PRAG1: variants seen among roughly 807,000 people sequenced by gnomAD.
The protein encoded by PRAG1 is inactive tyrosine-protein kinase PRAG1.
PRAG1 carries 110 observed loss-of-function variants against 95.6 expected under a neutral mutation model. That is an observed-to-expected ratio of 1.15 (90% CI 0.99 to 1.35). The LOEUF is 1.35. Ranked by LOEUF, PRAG1 falls within the 40% of genes most tolerant of loss-of-function variation. The probability of loss-of-function intolerance (pLI) is 0.00; values close to 1 mark genes in which losing one functional copy is unlikely to be tolerated. For missense variants in PRAG1, 2,554 were observed against 1,864.7 expected (o/e 1.37, Z -6.81); for synonymous variants, 1,052 against 819.4 (o/e 1.28, Z -4.85).
Position 8,376,369 on chromosome 8 carries a change from G to A in PRAG1, c.2040C>T (p.Ser680=), listed in dbSNP as rs772394887. ...TWHRLHPTDG[S]SGQNSKVGTG... The stretch of plus-strand genomic sequence containing the variant: ...TCCCAACTTTGCTGTTCTGCCCAGA[G>A]GAGCCATCTGTGGGGTGGAGACGGT... The change falls in exon 3 of 6, where the codon TCC becomes TCT. Residue 680 remains serine, a synonymous_variant. Coordinates refer to ENST00000615670, the MANE Select transcript of PRAG1 (RefSeq NM_001080826.3). The A allele has an allele frequency of 3.1e-6, 5 of 1,614,224 alleles. No individual in the cohort carries two copies. Among genetic ancestry groups the A allele is most frequent in the African/African-American group, 1.3e-5 (1 of 75,062 alleles).
intron 3 of PRAG1, among the ~76,000 whole-genome samples, chr8:8,348,557 T>C (rs1297046055): frequency 1.3e-5 from 2 of 152,128 alleles, no homozygotes; most frequent in African/African-American, 4.8e-5. Flanking sequence ...AGCAGGCTCG[T>C]CTTTGTCCTC....
At chr8:8,340,827 T>C (rs1436372039) in intron 3 of PRAG1, among the ~76,000 whole-genome samples, 2 of 152,056 alleles carry the variant, frequency 1.3e-5, no homozygotes, top group Non-Finnish European at 2.9e-5. Context: ...TTTTAAACTG[T>C]GTTAAATCTG....
chr8:8,380,055 G>C (rs914459561), intron 2 of PRAG1, among the ~76,000 whole-genome samples: 4 of 151,394 alleles, frequency 2.6e-5, no homozygotes, highest in African/African-American at 9.7e-5. Context: ...AGGAACTTAA[G>C]ACCAGCCTGG....
In PRAG1 at chr8:8,352,378, A is replaced by G. The variant is rs570111812; in HGVS notation, c.2163-12743T>C. Among the ~76,000 whole-genome samples, 8 of 152,314 alleles carry G rather than the reference A, an allele frequency of 5.3e-5. No individual in the cohort carries two copies. The South Asian group carries it at 1.7e-3, about 32-fold the overall frequency. ...CATTTTCCATCCTCATTCCTGTACCAGGCAGCCCAGTGCTTCTCCAGGAAA... is the reference window on the plus strand; with the variant it reads ...CATTTTCCATCCTCATTCCTGTACCGGGCAGCCCAGTGCTTCTCCAGGAAA... On this transcript the variant is annotated intron_variant, in intron 3 of 5. Transcript: ENST00000615670.
intron 3 of PRAG1, among the ~76,000 whole-genome samples, chr8:8,347,169 G>A (rs1326629629): frequency 2.0e-5 from 3 of 152,170 alleles, no homozygotes; most frequent in African/African-American, 4.8e-5. Context: ...TCTAGACTCA[G>A]GCCCGTAGTG....
intron 3 of PRAG1, among the ~76,000 whole-genome samples, chr8:8,372,278 C>A (rs1334814506): frequency 6.6e-6 from 1 of 152,226 alleles, no homozygotes; most frequent in Non-Finnish European, 1.5e-5. Context: ...CCTTGGCCTC[C>A]CTAAGTGCTG....
At chr8:8,322,159 T>TTA (rs1233368878) in intron 5 of PRAG1, among the ~76,000 whole-genome samples, 1 of 152,138 alleles carries the variant, frequency 6.6e-6, no homozygotes, top group Non-Finnish European at 1.5e-5. Flanking sequence ...CCATTTTATT[T>TTA]TATATATATA....
rs769185893 is a variant in PRAG1 at position 8,377,503 on chromosome 8, C to T, written c.906G>A (p.Lys302=). The change falls in exon 3 of 6, where the codon AAG becomes AAA. Residue 302 remains lysine (K), a synonymous_variant. Transcript: ENST00000615670. ...GKCSGPAEQE[K]RGPSFPKECC... is the part of the protein sequence containing the mutation. The stretch of plus-strand genomic sequence containing the variant: ...ACTCCTTGGGGAAGCTCGGGCCCCG[C>T]TTCTCCTGCTCTGCGGGCCCGGAAC... 6.4e-7 allele frequency: 1 copy of T among 1,558,530 alleles called. No individual in the cohort carries two copies. Among genetic ancestry groups the T allele is most frequent in the Non-Finnish European group, 8.7e-7 (1 of 1,152,368 alleles).
At chr8:8,379,718 A>G (rs1800568397) in intron 2 of PRAG1, among the ~76,000 whole-genome samples, 7 of 152,240 alleles carry the variant, frequency 4.6e-5, no homozygotes. Flanking sequence ...GATATGTCTT[A>G]GCCACATAGC....
chr8:8,361,428 C>T (rs563616518), intron 3 of PRAG1, among the ~76,000 whole-genome samples: 29 of 152,222 alleles, frequency 1.9e-4, no homozygotes, highest in African/African-American at 6.5e-4. Flanking sequence ...TACAGGGCAG[C>T]AGCAGCTGCC....
chr8:8,375,616 G>A (rs4840951), intron 3 of PRAG1, among the ~76,000 whole-genome samples: 48,498 of 151,660 alleles, frequency 0.32, 8,299 homozygotes, highest in East Asian at 0.64. Flanking sequence ...TATTGAGCAC[G>A]CATTTATTTG....
Position 8,380,652 on chromosome 8 carries a change from G to A in PRAG1, c.330+766C>T, listed in dbSNP as rs1041740062. 3.3e-5 allele frequency among the ~76,000 whole-genome samples: 5 copies of A among 151,870 alleles called. 1 individual carries two copies. The highest frequency in any genetic ancestry group is 1.3e-4 in the Admixed American group (2 of 15,238). ...GGGCAGATCACAAGGTCAAGAGATC[G>A]AGACCATCCTGGCCAACGTGGTGAA... is the stretch of plus-strand genomic sequence containing the variant. On this transcript the variant is annotated intron_variant, in intron 2 of 5. Coordinates refer to ENST00000615670, the MANE Select transcript of PRAG1 (RefSeq NM_001080826.3).
At chr8:8,365,769 C>A (rs1438354534) in intron 3 of PRAG1, among the ~76,000 whole-genome samples, 1 of 151,120 alleles carries the variant, frequency 6.6e-6, no homozygotes, top group Non-Finnish European at 1.5e-5. Flanking sequence ...TTGGGACCAG[C>A]CTGGCCAATG....
chr8:8,318,924 G>C lies in PRAG1; in HGVS notation c.3451C>G (p.Leu1151Val). The C allele has an allele frequency of 6.2e-7, 1 of 1,610,446 alleles. No individual in the cohort carries two copies. Among genetic ancestry groups the C allele is most frequent in the Non-Finnish European group, 8.5e-7 (1 of 1,178,766 alleles). ...TGGAGGGTGCAGTGCACCAGCAGCA[G>C]GTTCTCCAGGCACAGGTCCCGGTGG... ...IIHRDLCLEN[L>V]LLVHCTLQAG... The change falls in exon 6 of 6, where the codon CTG becomes GTG. Residue 1151 changes from leucine to valine, a missense_variant. Transcript: ENST00000615670. The surrounding 1 kb of genome is among the most constrained non-coding windows in gnomAD (Gnocchi z 4.2).
intron 3 of PRAG1, among the ~76,000 whole-genome samples, chr8:8,346,772 T>C (rs920942846): frequency 1.3e-5 from 2 of 152,204 alleles, no homozygotes; most frequent in African/African-American, 2.4e-5. Flanking sequence ...GACAGCAATA[T>C]TCAAAGTGTG....
chr8:8,364,095 T>C (rs993461115), intron 3 of PRAG1, among the ~76,000 whole-genome samples: 4 of 152,224 alleles, frequency 2.6e-5, no homozygotes, highest in Admixed American at 6.5e-5. Context: ...GAATATATAC[T>C]CAGGAATGAA....
chr8:8,327,505 G>A (rs911249227), intron 5 of PRAG1, among the ~76,000 whole-genome samples: 12 of 152,206 alleles, frequency 7.9e-5, no homozygotes, highest in African/African-American at 2.9e-4. Context: ...GGGAGGCGGA[G>A]GCTGTAGTGA....
chr8:8,376,152 G>C (rs1457707176), intron 3 of PRAG1, 95 bp downstream of exon 3: 2 of 1,495,836 alleles, frequency 1.3e-6, no homozygotes, highest in Admixed American at 4.4e-5. Context: ...GCAGATTCTG[G>C]GACCTGGGCC....
chr8:8,336,835 A>G (rs968582179), intron 4 of PRAG1, among the ~76,000 whole-genome samples: 2 of 152,216 alleles, frequency 1.3e-5, no homozygotes, highest in South Asian at 4.1e-4. Context: ...AAATGTAACA[A>G]AGTTAGAGAT....
Sources: allele counts gnomAD v4.1 joint callset (sites outside exome capture counted in the v4.1 genomes callset), GRCh38; gene constraint gnomAD v4.1.1; non-coding constraint Gnocchi (gnomAD v3.1); transcripts MANE v1.5; gene names NCBI Gene and HGNC (gene_info 2026-07-23, HGNC 2026-07-21).